Variants in PLIN2 observed in about 807,000 individuals in gnomAD.
The protein encoded by PLIN2 is perilipin-2.
PLIN2 carries 33 observed loss-of-function variants against 30.6 expected under a neutral mutation model. The ratio of observed to expected loss-of-function variants is 1.08; its 90% CI spans 0.82 to 1.44. The LOEUF (loss-of-function observed/expected upper bound fraction) is 1.44. PLIN2 is among the 40% of genes most tolerant of loss of function. The pLI is 0.00. For missense variants in PLIN2, 610 were observed against 531.8 expected (o/e 1.15, Z -1.45); for synonymous variants, 205 against 201.1 (o/e 1.02, Z -0.16).
At chr9:19,114,917 CCAA>C (rs1016573202), downstream of PLIN2, among the ~76,000 whole-genome samples, 1 of 152,172 alleles carries the variant, frequency 6.6e-6, no homozygotes, top group Non-Finnish European at 1.5e-5. Context: ...ACGTATGTCC[CCAA>C]CAACAACTGA....
At position 19,126,101 on chromosome 9, in the gene PLIN2, A is replaced by T; in HGVS notation, c.226+13T>A. 6.2e-7 allele frequency: 1 copy of T among 1,611,198 alleles called. No homozygotes were observed. Among genetic ancestry groups the T allele is most frequent in the Non-Finnish European group, 8.5e-7 (1 of 1,177,818 alleles). The stretch of plus-strand genomic sequence containing the variant: ...CAGTCCCTTGACTTGCATCTTGAAA[A>T]ATCAGAACTCACTTTGCGGCTCTAG... On this transcript the variant is annotated intron_variant, in intron 3 of 7. Transcript: ENST00000276914.
At chr9:19,111,337 C>T (rs562221471), downstream of PLIN2, among the ~76,000 whole-genome samples, 5 of 152,274 alleles carry the variant, frequency 3.3e-5, no homozygotes, top group South Asian at 2.1e-4. Context: ...CATGAGCCAC[C>T]GCACCTGGGC....
Position 19,123,509 on chromosome 9 carries a change from A to C in PLIN2, c.309+56T>G, listed in dbSNP as rs758950870. On this transcript the variant is annotated intron_variant, in intron 4 of 7. Coordinates refer to ENST00000276914, the MANE Select transcript of PLIN2 (RefSeq NM_001122.4). ...TGATATGTACAGCTTGTTTTAACAG[A>C]TAGAAGATGAAAACATGTGAAGTGT... The C allele has an allele frequency of 5.0e-6, 8 of 1,613,280 alleles. No homozygotes were observed. In the Admixed American group the frequency reaches 1.0e-4, roughly 20 times the overall value.
rs537952828 is a variant in PLIN2, at chr9:19,117,743, G to A, written c.912+578C>T. Among the ~76,000 whole-genome samples the A allele has an allele frequency of 7.3e-4, 110 of 151,704 alleles. 1 individual carries two copies. Among genetic ancestry groups the A allele is most frequent in the African/African-American group, 1.1e-3 (45 of 41,364 alleles). On this transcript the variant is annotated intron_variant, in intron 7 of 7. Coordinates refer to ENST00000276914, the MANE Select transcript of PLIN2 (RefSeq NM_001122.4). ...AGCTATTCTCCTGCCTCAGCTGCCC[G>A]AGTAGCTGGGACTACAGGCACGTGC...
chr9:19,112,594 G>A (rs1818171710), downstream of PLIN2, among the ~76,000 whole-genome samples: 1 of 151,132 alleles, frequency 6.6e-6, no homozygotes, highest in Non-Finnish European at 1.5e-5. Flanking sequence ...TATGGTCCCA[G>A]ATACTCAGGA....
chr9:19,113,753 T>C (rs1398907897), downstream of PLIN2, among the ~76,000 whole-genome samples: 5 of 150,854 alleles, frequency 3.3e-5, no homozygotes, highest in Admixed American at 2.7e-4. Context: ...TTTGTGGGGT[T>C]TTTTGTTGTT....
chr9:19,119,171 C>T (rs1230186767), intron 6 of PLIN2, among the ~76,000 whole-genome samples: 1 of 152,198 alleles, frequency 6.6e-6, no homozygotes, highest in East Asian at 1.9e-4. Context: ...CCTTTAATGG[C>T]TACACAGTAG....
In PLIN2 at chr9:19,116,483, G is replaced by C. The variant is rs761803642; in HGVS notation, c.1079C>G (p.Ala360Gly). 6.2e-6 allele frequency: 10 copies of C among 1,614,192 alleles called. No individual in the cohort carries two copies. The East Asian group carries it at 2.2e-4, about 36-fold the overall frequency. ...GTCAGACACTTCTTTAAAGGAGGCAGCATTGCGGAACACTGAGTAGATGTC... is the reference window on the plus strand; with the variant it reads ...GTCAGACACTTCTTTAAAGGAGGCACCATTGCGGAACACTGAGTAGATGTC... ...AGDIYSVFRN[A>G]ASFKEVSDSL... The change falls in exon 8 of 8, where the codon GCT becomes GGT. Residue 360 changes from alanine to glycine, a missense_variant. Ala to Gly is a moderately conservative substitution (Grantham distance 60). Transcript: ENST00000276914.
At chr9:19,113,682 C>T (rs138155153), downstream of PLIN2, among the ~76,000 whole-genome samples, 74 of 150,044 alleles carry the variant, frequency 4.9e-4, no homozygotes, top group African/African-American at 1.7e-3. Context: ...TCAGGGGATT[C>T]TTGTGCCTCA....
intron 4 of PLIN2, 35 bp downstream of exon 4, chr9:19,123,530 A>G (rs1564031655): frequency 6.2e-7 from 1 of 1,614,114 alleles, no homozygotes; most frequent in South Asian, 1.1e-5. Context: ...AAACATGTGA[A>G]GTGTCAAGTC....
intron 3 of PLIN2, 115 bp downstream of exon 3, chr9:19,125,999 T>C: frequency 1.4e-6 from 1 of 740,608 alleles, no homozygotes. Flanking sequence ...AGTTTCTAGG[T>C]AAAGGCAGTG....
chr9:19,121,105 T>C lies in PLIN2; in HGVS notation c.370A>G (p.Thr124Ala). 1.9e-6 allele frequency: 3 copies of C among 1,614,184 alleles called. No homozygotes were observed. The highest frequency in any genetic ancestry group is 2.5e-6 in the Non-Finnish European group (3 of 1,180,012). The part of the protein sequence containing the change: ...GAKDAVTTTV[T>A]GAKDSVASTI... ...CTGGCCACAGAATCCTTGGCCCCAG[T>C]CACAGTAGTCGTCACAGCATCTTTT... Residue 124 changes from threonine to alanine, a missense_variant, in exon 5 of 8, where the codon ACT (threonine) becomes GCT (alanine). Coordinates refer to ENST00000276914, the MANE Select transcript of PLIN2 (RefSeq NM_001122.4).
rs555062003 is a variant in PLIN2 at position 19,118,419 on chromosome 9, G to C, written c.814C>G (p.Gln272Glu). 15 of 1,613,566 alleles carry C rather than the reference G, an allele frequency of 9.3e-6. No individual in the cohort carries two copies. The Admixed American group carries it at 2.5e-4, about 27-fold the overall frequency. Residue 272 changes from glutamine (Q) to glutamate (E), a missense_variant, in exon 7 of 8, where the codon CAG (glutamine) becomes GAG (glutamate). Coordinates refer to ENST00000276914, the MANE Select transcript of PLIN2 (RefSeq NM_001122.4). ...TTATCCTGAGCATCCTGAATTTTCT[G>C]ATTGGCACTATACACATTCTTCCTG... ...FARKNVYSAN[Q>E]KIQDAQDKLY...
rs763076852 is a variant in PLIN2, at chr9:19,119,847, A to G, written c.596-16T>C. ...GCTTCTTTTTCTGAAGTTAGAAATA[A>G]GAGACAAAAAAACTTAAGGGATCAC... On this transcript the variant is annotated splice_polypyrimidine_tract_variant and intron_variant, in intron 5 of 7. Coordinates refer to ENST00000276914, the MANE Select transcript of PLIN2 (RefSeq NM_001122.4). The G allele has an allele frequency of 1.3e-6, 2 of 1,543,178 alleles. No homozygotes were observed. The highest frequency in any genetic ancestry group is 1.4e-5 in the African/African-American group (1 of 72,644).
At chr9:19,108,670 G>A (rs1005191085) in exon 3 of PLIN2, 2 of 152,614 alleles carry the variant, frequency 1.3e-5, no homozygotes, top group African/African-American at 2.4e-5. Flanking sequence ...TATTTGATCC[G>A]TTCTCCTCTT....
intron 3 of PLIN2, among the ~76,000 whole-genome samples, chr9:19,124,565 A>C (rs1464480428): frequency 6.6e-6 from 1 of 152,234 alleles, no homozygotes; most frequent in Non-Finnish European, 1.5e-5. Flanking sequence ...ATTTGAAAGA[A>C]TGATTTAAAT....
intron 4 of PLIN2, 183 bp downstream of exon 4, chr9:19,123,382 C>T (rs776677533): frequency 1.9e-6 from 3 of 1,551,268 alleles, no homozygotes; most frequent in South Asian, 1.2e-5. Context: ...TTCTCTGCTT[C>T]GTAGATACAA....
In PLIN2 at chr9:19,116,460, C is replaced by T; in HGVS notation, c.1102G>A (p.Asp368Asn). The change falls in exon 8 of 8, where the codon GAC becomes AAC. Residue 368 changes from aspartate to asparagine, a missense_variant. By Grantham distance (23) the Asp-to-Asn change is conservative. Coordinates refer to ENST00000276914, the MANE Select transcript of PLIN2 (RefSeq NM_001122.4). The part of the protein sequence containing the change: ...RNAASFKEVS[D>N]SLLTSSKGQL... Reference sequence around the variant, plus strand: ...CCCTTGCTAGAAGTGAGGAGGCTGTCAGACACTTCTTTAAAGGAGGCAGCA... The same window carrying T: ...CCCTTGCTAGAAGTGAGGAGGCTGTTAGACACTTCTTTAAAGGAGGCAGCA... 6.2e-7 allele frequency: 1 copy of T among 1,614,188 alleles called. No homozygotes were observed. The highest frequency in any genetic ancestry group is 8.5e-7 in the Non-Finnish European group (1 of 1,180,016).
At chr9:19,123,340 TA>T in intron 4 of PLIN2, 1 of 1,549,198 alleles carries the variant, frequency 6.5e-7, no homozygotes, top group South Asian at 1.2e-5. Context: ...GACAACACAC[TA>T]AAAGTTTTCT....
Sources: allele counts gnomAD v4.1 joint callset (sites outside exome capture counted in the v4.1 genomes callset), GRCh38; gene constraint gnomAD v4.1.1; transcripts MANE v1.5; gene names NCBI Gene and HGNC (gene_info 2026-07-23, HGNC 2026-07-21).